RASGRF2: variants seen among roughly 807,000 people sequenced by gnomAD.
The protein encoded by RASGRF2 is ras-specific guanine nucleotide-releasing factor 2.
Under a neutral mutation model 151.0 loss-of-function variants are expected in RASGRF2, and 76 were observed. The observed-to-expected ratio is 0.50, with a 90% CI of 0.42 to 0.61. The LOEUF is 0.61. Among genes scored for constraint, RASGRF2 ranks in the 20% least tolerant of loss-of-function variants. The pLI is 0.00. For missense variants in RASGRF2, 1,148 were observed against 1,564.6 expected, an observed-to-expected ratio of 0.73 and a Z score of 4.49; for synonymous variants, 504 against 566.5, an observed-to-expected ratio of 0.89 and a Z score of 1.57.
chr5:80,999,384 G>A (rs1184111802), intron 1 of RASGRF2, among the ~76,000 whole-genome samples: 2 of 152,024 alleles, frequency 1.3e-5, no homozygotes, highest in Non-Finnish European at 2.9e-5. Context: ...TGTTGCCCAG[G>A]TTGGTTGGAG....
intron 26 of RASGRF2, among the ~76,000 whole-genome samples, chr5:81,221,598 C>T (rs1755858395): frequency 1.3e-5 from 2 of 152,152 alleles, no homozygotes; most frequent in African/African-American, 4.8e-5. Flanking sequence ...CACCTATAAT[C>T]TTAGCACTTG....
intron 1 of RASGRF2, among the ~76,000 whole-genome samples, chr5:81,012,350 A>G (rs975816422): frequency 1.3e-5 from 2 of 152,194 alleles, no homozygotes; most frequent in African/African-American, 4.8e-5. Context: ...ACGTATCAGT[A>G]GTTATTTTTC....
chr5:80,989,700 A>T (rs1748587643), intron 1 of RASGRF2, among the ~76,000 whole-genome samples: 1 of 152,224 alleles, frequency 6.6e-6, no homozygotes, highest in Non-Finnish European at 1.5e-5. Flanking sequence ...TGCTCTCCTC[A>T]CGTGCTGAAA....
intron 1 of RASGRF2, among the ~76,000 whole-genome samples, chr5:80,985,295 T>G (rs1346750464): frequency 6.6e-6 from 1 of 152,234 alleles, no homozygotes; most frequent in African/African-American, 2.4e-5. Context: ...TTCTCTTTGA[T>G]GGGGAAGATT....
intron 17 of RASGRF2, among the ~76,000 whole-genome samples, chr5:81,178,329 G>T (rs1168096721): frequency 6.6e-6 from 1 of 152,198 alleles, no homozygotes; most frequent in East Asian, 1.9e-4. Flanking sequence ...TGGAGGGAGG[G>T]TGGTATTTCT....
At chr5:81,110,772 T>TC (rs1230484314) in intron 13 of RASGRF2, among the ~76,000 whole-genome samples, 1 of 152,260 alleles carries the variant, frequency 6.6e-6, no homozygotes, top group African/African-American at 2.4e-5. Context: ...CATAAAATTT[T>TC]CTCAGATCTT....
chr5:81,018,728 T>G (rs1257175071), intron 1 of RASGRF2, among the ~76,000 whole-genome samples: 1 of 151,788 alleles, frequency 6.6e-6, no homozygotes, highest in Non-Finnish European at 1.5e-5. Flanking sequence ...GTGAATAACA[T>G]GACCACATAC....
chr5:81,014,096 G>C (rs1053469707), intron 1 of RASGRF2, among the ~76,000 whole-genome samples: 6 of 151,612 alleles, frequency 4.0e-5, no homozygotes, highest in Admixed American at 3.9e-4. Flanking sequence ...AACTTCTTGT[G>C]GTCTATTTTC....
At chr5:81,057,298 A>T (rs184146204) in intron 2 of RASGRF2, among the ~76,000 whole-genome samples, 19 of 152,212 alleles carry the variant, frequency 1.2e-4, no homozygotes, top group Admixed American at 8.5e-4. Context: ...CTGGGCTGTG[A>T]CATTTCATTT....
At chr5:81,081,533 G>T (rs538400850) in intron 7 of RASGRF2, among the ~76,000 whole-genome samples, 1 of 152,306 alleles carries the variant, frequency 6.6e-6, no homozygotes, top group East Asian at 1.9e-4. Context: ...GAAAAGTGTC[G>T]ATTCTGTTCT....
At chr5:81,092,717 G>T in intron 9 of RASGRF2, 84 bp from the exon 10 acceptor site, 4 of 1,298,524 alleles carry the variant, frequency 3.1e-6, no homozygotes, top group South Asian at 1.4e-5. Flanking sequence ...TTGGGAAACA[G>T]ACCTTAGTGT....
At chr5:81,163,720 A>C (rs1444198274) in intron 17 of RASGRF2, among the ~76,000 whole-genome samples, 1 of 152,216 alleles carries the variant, frequency 6.6e-6, no homozygotes, top group East Asian at 1.9e-4. Context: ...AGAAGTACAG[A>C]TGTGATATAT....
At chr5:81,101,824 T>C (rs1216741282) in intron 12 of RASGRF2, among the ~76,000 whole-genome samples, 2 of 152,226 alleles carry the variant, frequency 1.3e-5, no homozygotes, top group African/African-American at 4.8e-5. Context: ...AGTGAAAATT[T>C]CCTTTTATTC....
At chr5:81,137,637 A>G (rs1753783882) in intron 17 of RASGRF2, among the ~76,000 whole-genome samples, 1 of 152,226 alleles carries the variant, frequency 6.6e-6, no homozygotes, top group South Asian at 2.1e-4. Context: ...TAAGGAGGCT[A>G]TTAGGACATA....
At chr5:81,064,112 G>C (rs1751523978) in intron 2 of RASGRF2, among the ~76,000 whole-genome samples, 1 of 152,162 alleles carries the variant, frequency 6.6e-6, no homozygotes, top group Non-Finnish European at 1.5e-5. Context: ...CAAGGTGTTG[G>C]CCAGGTCTGT....
At chr5:81,033,653 T>C (rs1017607605) in intron 1 of RASGRF2, among the ~76,000 whole-genome samples, 1 of 151,584 alleles carries the variant, frequency 6.6e-6, no homozygotes, top group Non-Finnish European at 1.5e-5. Flanking sequence ...TAATTCAAGA[T>C]GGATTAAAGA....
At chr5:81,198,827 G>A (rs1447424756) in intron 18 of RASGRF2, among the ~76,000 whole-genome samples, 1 of 152,200 alleles carries the variant, frequency 6.6e-6, no homozygotes, top group Non-Finnish European at 1.5e-5. Flanking sequence ...TGGGCACCTA[G>A]GTTGATTCTG....
intron 3 of RASGRF2, 55 bp from the exon 4 acceptor site, chr5:81,070,437 A>G (rs1388187292): frequency 7.0e-7 from 1 of 1,425,524 alleles, no homozygotes; most frequent in Admixed American, 1.7e-5. Flanking sequence ...TCCTGTGTGT[A>G]TGGCTATAAT....
chr5:81,109,208 C>T (rs181026045), intron 13 of RASGRF2, 130 bp downstream of exon 13: 1 of 1,400,610 alleles, frequency 7.1e-7, no homozygotes, highest in Non-Finnish European at 9.3e-7. Flanking sequence ...GACAGGAATG[C>T]AGTGATTCAT....
Sources: gnomAD v4.1 joint callset for allele counts (sites outside exome capture counted in the v4.1 genomes callset) on GRCh38, gnomAD v4.1.1 for gene constraint, MANE v1.5 for transcripts, NCBI Gene and HGNC (gene_info 2026-07-23, HGNC 2026-07-21) for gene names.